The following NAALADL2 variants were observed in gnomAD, a reference collection of about 807,000 sequenced individuals.
NAALADL2 encodes the protein N-acetylated alpha-linked acidic dipeptidase like 2, also known as inactive N-acetylated-alpha-linked acidic dipeptidase-like protein 2.
A neutral mutation model predicts 87.2 loss-of-function variants in NAALADL2; 76 were observed. The ratio of observed to expected loss-of-function variants is 0.87; its 90% CI spans 0.72 to 1.05. The LOEUF is 1.05. Ranked by LOEUF, NAALADL2 falls within the 50% of genes least tolerant of loss-of-function variation. The probability of loss-of-function intolerance (pLI) is 0.00; values close to 1 mark genes in which losing one functional copy is unlikely to be tolerated. For missense variants in NAALADL2, 1,089 were observed against 945.8 expected, an observed-to-expected ratio of 1.15 and a Z score of -1.99; for synonymous variants, 354 against 331.0, an observed-to-expected ratio of 1.07 and a Z score of -0.75.
intron 1 of NAALADL2, among the ~76,000 whole-genome samples, chr3:174,522,367 C>G (rs1720356453): frequency 6.6e-6 from 1 of 152,018 alleles, no homozygotes; most frequent in African/African-American, 2.4e-5. Flanking sequence ...AGACTAGTGT[C>G]CTATAAAAGA....
intron 11 of NAALADL2, among the ~76,000 whole-genome samples, chr3:175,633,818 A>T (rs1728142999): frequency 6.6e-6 from 1 of 151,694 alleles, no homozygotes; most frequent in African/African-American, 2.4e-5. Flanking sequence ...CTGTTTACGT[A>T]TTACAAAAAC....
chr3:175,061,352 T>G (rs1404050798), intron 1 of NAALADL2, among the ~76,000 whole-genome samples: 2 of 152,186 alleles, frequency 1.3e-5, no homozygotes, highest in Admixed American at 1.3e-4. Flanking sequence ...GTTTTATTAT[T>G]CAGTGAAAAT....
At chr3:174,641,579 A>G (rs1560111272) in intron 2 of NAALADL2, among the ~76,000 whole-genome samples, 2 of 152,158 alleles carry the variant, frequency 1.3e-5, no homozygotes, top group Admixed American at 6.5e-5. Flanking sequence ...TGGGAATTCA[A>G]CACGTCAATG....
intron 11 of NAALADL2, among the ~76,000 whole-genome samples, chr3:175,633,816 G>A (rs550639558): frequency 1.3e-5 from 2 of 151,408 alleles, no homozygotes; most frequent in Non-Finnish European, 3.0e-5. Flanking sequence ...TCCTGTTTAC[G>A]TATTACAAAA....
intron 5 of NAALADL2, chr3:175,397,193 A>C (rs970306785): frequency 6.6e-6 from 1 of 152,094 alleles, no homozygotes; most frequent in Non-Finnish European, 1.5e-5. Context: ...CCTGTTAATG[A>C]GATGCTTTTA....
intron 11 of NAALADL2, among the ~76,000 whole-genome samples, chr3:175,679,750 G>T (rs2149877318): frequency 6.6e-6 from 1 of 152,284 alleles, no homozygotes; most frequent in Middle Eastern, 3.4e-3. Flanking sequence ...CTGTGCCTGA[G>T]AAGTGAAAGA....
chr3:175,035,902 G>C (rs1277885269), intron 1 of NAALADL2, among the ~76,000 whole-genome samples: 1 of 152,132 alleles, frequency 6.6e-6, no homozygotes, highest in Admixed American at 6.5e-5. Context: ...TAAATTTTAA[G>C]AAACTGCCTG....
intron 9 of NAALADL2, among the ~76,000 whole-genome samples, chr3:175,530,553 G>T (rs140029364): frequency 0.011 from 1,632 of 152,262 alleles, 23 homozygotes; most frequent in African/African-American, 0.036. Flanking sequence ...TCCACTTTTG[G>T]ATGGTGCCTG....
At chr3:175,533,178 A>G (rs897344760) in intron 9 of NAALADL2, among the ~76,000 whole-genome samples, 5 of 152,192 alleles carry the variant, frequency 3.3e-5, no homozygotes, top group Admixed American at 2.6e-4. Flanking sequence ...ATCCAACTCT[A>G]TGTTCCTTCC....
At chr3:175,392,742 A>G (rs1228031974) in intron 5 of NAALADL2, among the ~76,000 whole-genome samples, 1 of 152,188 alleles carries the variant, frequency 6.6e-6, no homozygotes, top group Non-Finnish European at 1.5e-5. Context: ...TGCTATGAAA[A>G]TAGAGACAAG....
intron 10 of NAALADL2, among the ~76,000 whole-genome samples, chr3:175,608,943 A>T (rs1372683314): frequency 7.3e-6 from 1 of 136,118 alleles, no homozygotes; most frequent in Non-Finnish European, 1.5e-5. Flanking sequence ...ATTCTGAGCT[A>T]TCACCATAAA....
At chr3:174,805,347 C>G (rs141242026) in intron 3 of NAALADL2, among the ~76,000 whole-genome samples, 14 of 152,212 alleles carry the variant, frequency 9.2e-5, no homozygotes, top group African/African-American at 3.4e-4. Context: ...CCTAGGATTA[C>G]TTCGTTGTTC....
chr3:175,031,789 T>C (rs988911311), intron 1 of NAALADL2, among the ~76,000 whole-genome samples: 11 of 151,976 alleles, frequency 7.2e-5, no homozygotes, highest in Non-Finnish European at 1.3e-4. Context: ...TGTTATTTTT[T>C]ACTTTTTAAT....
At chr3:175,106,622 G>T (rs1414012291) in intron 2 of NAALADL2, among the ~76,000 whole-genome samples, 10 of 152,078 alleles carry the variant, frequency 6.6e-5, no homozygotes, top group African/African-American at 2.2e-4. Context: ...CTATAGAAAA[G>T]TTGGTAATGA....
At chr3:175,467,769 T>C (rs1451187574) in intron 8 of NAALADL2, among the ~76,000 whole-genome samples, 1 of 152,124 alleles carries the variant, frequency 6.6e-6, no homozygotes, top group Non-Finnish European at 1.5e-5. Flanking sequence ...TGTATCCAAA[T>C]GAAATCTAGC....
chr3:174,856,694 T>G (rs1192707017), upstream of NAALADL2, among the ~76,000 whole-genome samples: 1 of 152,134 alleles, frequency 6.6e-6, no homozygotes, highest in Non-Finnish European at 1.5e-5. Flanking sequence ...TTTCTTTAAT[T>G]GAAAAGATGA....
intron 1 of NAALADL2, among the ~76,000 whole-genome samples, chr3:174,946,137 A>C (rs191425773): frequency 4.0e-5 from 6 of 150,958 alleles, no homozygotes; most frequent in Non-Finnish European, 5.9e-5. Flanking sequence ...TTATTTCTCT[A>C]TATATTTCTC....
intron 10 of NAALADL2, among the ~76,000 whole-genome samples, chr3:175,617,628 C>T (rs573526396): frequency 1.3e-5 from 2 of 152,168 alleles, no homozygotes; most frequent in East Asian, 1.9e-4. Flanking sequence ...TCCTCCCAAC[C>T]CTATTCTAAA....
chr3:175,615,764 G>A (rs1019865422), intron 10 of NAALADL2, among the ~76,000 whole-genome samples: 3 of 151,562 alleles, frequency 2.0e-5, no homozygotes, highest in African/African-American at 7.3e-5. Context: ...GGCTGAGGCA[G>A]GAGAATCACT....
Sources: allele counts gnomAD v4.1 joint callset (sites outside exome capture counted in the v4.1 genomes callset), GRCh38; gene constraint gnomAD v4.1.1; transcripts MANE v1.5; gene names NCBI Gene and HGNC (gene_info 2026-07-23, HGNC 2026-07-21).